Variants in PACRG observed in about 807,000 individuals in gnomAD.
The protein encoded by PACRG is parkin coregulated, also known as parkin coregulated gene protein.
Under a neutral mutation model 29.7 loss-of-function variants are expected in PACRG, and 29 were observed. That is an observed-to-expected ratio of 0.98 (90% CI 0.73 to 1.33). The LOEUF is 1.33. Among genes scored for constraint, PACRG ranks in the 40% most tolerant of loss-of-function variants. The pLI, the probability that PACRG is intolerant of heterozygous loss-of-function variation, is 0.00. For missense variants in PACRG, 279 were observed against 316.2 expected (o/e 0.88, Z 0.89); for synonymous variants, 116 against 118.7 (o/e 0.98, Z 0.15).
intron 1 of PACRG, among the ~76,000 whole-genome samples, chr6:162,744,579 C>T (rs1426796020): frequency 6.6e-6 from 1 of 151,964 alleles, no homozygotes; most frequent in Non-Finnish European, 1.5e-5. Context: ...AGTGACACAG[C>T]GAGACCCCAT....
At chr6:162,754,108 A>G (rs1781718801) in intron 1 of PACRG, among the ~76,000 whole-genome samples, 1 of 152,138 alleles carries the variant, frequency 6.6e-6, no homozygotes, top group Non-Finnish European at 1.5e-5. Context: ...CCTCATCAAT[A>G]TGTAAGAGCT....
intron 1 of PACRG, among the ~76,000 whole-genome samples, chr6:162,761,377 A>G (rs921746152): frequency 4.6e-5 from 7 of 152,286 alleles, no homozygotes; most frequent in Admixed American, 2.0e-4. Context: ...TCTTACTACA[A>G]TTCTTTTTAA....
At chr6:162,950,518 TAAA>T (rs35993375) in intron 2 of PACRG, among the ~76,000 whole-genome samples, 102,682 of 151,836 alleles carry the variant, frequency 0.68, 37,755 homozygotes, top group Middle Eastern at 0.85. Flanking sequence ...AATAAATAAA[TAAA>T]TAAATTAATT....
chr6:163,265,264 G>A (rs370459104), intron 4 of PACRG, among the ~76,000 whole-genome samples: 171 of 152,234 alleles, frequency 1.1e-3, no homozygotes, highest in Non-Finnish European at 1.8e-3. Flanking sequence ...GGTGTGGGTG[G>A]CTCCATCACC....
At chr6:163,005,938 A>G (rs113070037) in intron 2 of PACRG, among the ~76,000 whole-genome samples, 6,493 of 141,938 alleles carry the variant, frequency 0.046, 373 homozygotes, top group African/African-American at 0.14. Flanking sequence ...TATAACATGT[A>G]TAACAGTTAT....
At chr6:162,809,314 AAAATAAGT>A (rs150207922) in intron 1 of PACRG, among the ~76,000 whole-genome samples, 1 of 152,298 alleles carries the variant, frequency 6.6e-6, no homozygotes, top group East Asian at 1.9e-4. Context: ...AAAGTGTTTA[AAAATAAGT>A]AAATAGCAGA....
At chr6:162,788,193 C>G (rs1402732748) in intron 1 of PACRG, among the ~76,000 whole-genome samples, 5 of 152,162 alleles carry the variant, frequency 3.3e-5, no homozygotes, top group Non-Finnish European at 7.3e-5. Context: ...GAATCCCCAG[C>G]AACCACTATC....
chr6:163,029,711 C>T (rs1295323901), intron 2 of PACRG, among the ~76,000 whole-genome samples: 3 of 152,146 alleles, frequency 2.0e-5, no homozygotes, highest in Admixed American at 6.5e-5. Context: ...CCCCTGCAAC[C>T]ATTCTGTGAT....
intron 4 of PACRG, chr6:163,101,019 A>C (rs1815055457): frequency 2.0e-6 from 2 of 983,188 alleles, no homozygotes; most frequent in South Asian, 9.4e-5. Flanking sequence ...GCTCTTAAGT[A>C]CAGTACTTTA....
chr6:163,176,051 C>G (rs1490911005), intron 4 of PACRG, among the ~76,000 whole-genome samples: 2 of 152,106 alleles, frequency 1.3e-5, no homozygotes, highest in Non-Finnish European at 2.9e-5. Context: ...CACAAAGAAA[C>G]AACAAAACAC....
intron 2 of PACRG, among the ~76,000 whole-genome samples, chr6:163,012,640 C>T (rs1232995364): frequency 6.6e-6 from 1 of 152,174 alleles, no homozygotes; most frequent in Non-Finnish European, 1.5e-5. Context: ...GTTCATGCAC[C>T]CTCTGGAGCT....
intron 4 of PACRG, among the ~76,000 whole-genome samples, chr6:163,092,260 G>A (rs1213403151): frequency 6.6e-6 from 1 of 152,188 alleles, no homozygotes. Flanking sequence ...TCTGAAATAA[G>A]CAGTGGGGGT....
intron 4 of PACRG, among the ~76,000 whole-genome samples, chr6:163,197,604 C>G (rs894201576): frequency 7.6e-6 from 1 of 131,726 alleles, no homozygotes; most frequent in Non-Finnish European, 1.6e-5. Flanking sequence ...CCACCACGCC[C>G]GGCTAATTTT....
rs1469813643 is a variant in PACRG at position 162,728,319 on chromosome 6, G to T, written c.84G>T (p.Pro28=). The T allele has an allele frequency of 1.2e-6, 2 of 1,613,786 alleles. No homozygotes were observed. Among genetic ancestry groups the T allele is most frequent in the East Asian group, 2.2e-5 (1 of 44,888 alleles). ...GGACCAAGCTGCTGGCACAACAGCC[G>T]CTCCCGGTGCACCAGCCTCACTCTC... ...PKRTKLLAQQ[P]LPVHQPHSLV... The change falls in exon 1 of 5, where the codon CCG becomes CCT. Residue 28 remains proline, a synonymous_variant. Transcript: ENST00000366888.
intron 4 of PACRG, among the ~76,000 whole-genome samples, chr6:163,122,348 A>G (rs1203915937): frequency 1.3e-5 from 2 of 151,860 alleles, no homozygotes; most frequent in African/African-American, 4.8e-5. Flanking sequence ...TAATTGTGCT[A>G]TAGTTGGTTT....
At chr6:162,974,709 G>T (rs1432442954) in intron 2 of PACRG, among the ~76,000 whole-genome samples, 1 of 152,164 alleles carries the variant, frequency 6.6e-6, no homozygotes, top group Non-Finnish European at 1.5e-5. Context: ...CATGCTTAGT[G>T]TATTGTTAAG....
intron 4 of PACRG, chr6:163,183,289 A>C (rs993977707): frequency 6.6e-6 from 1 of 152,272 alleles, no homozygotes; most frequent in African/African-American, 2.4e-5. Flanking sequence ...CAGGCTAAAA[A>C]GTGTTGATTT....
chr6:162,942,105 C>T (rs1798674390), intron 2 of PACRG, among the ~76,000 whole-genome samples: 1 of 152,202 alleles, frequency 6.6e-6, no homozygotes, highest in African/African-American at 2.4e-5. Context: ...AATAAACAGT[C>T]TAAAACTCCC....
intron 2 of PACRG, among the ~76,000 whole-genome samples, chr6:162,841,977 C>A (rs1362873086): frequency 6.7e-6 from 1 of 150,100 alleles, no homozygotes; most frequent in East Asian, 2.0e-4. Flanking sequence ...GTTATAATCT[C>A]TGTTCTTTTA....
Sources: gnomAD v4.1 joint callset for allele counts (sites outside exome capture counted in the v4.1 genomes callset) on GRCh38, gnomAD v4.1.1 for gene constraint, MANE v1.5 for transcripts, NCBI Gene and HGNC (gene_info 2026-07-23, HGNC 2026-07-21) for gene names.